TMCO6: variants seen among roughly 807,000 people sequenced by gnomAD.
The protein encoded by TMCO6 is transmembrane and coiled-coil domains 6.
TMCO6 carries 47 observed loss-of-function variants against 61.8 expected under a neutral mutation model. The ratio of observed to expected loss-of-function variants is 0.76; its 90% CI spans 0.60 to 0.97. TMCO6 has a LOEUF of 0.97. TMCO6 is among the 50% of genes least tolerant of loss of function. The pLI is 0.00. For missense variants in TMCO6, 557 were observed against 601.6 expected (o/e 0.93, Z 0.78); for synonymous variants, 261 against 254.2 (o/e 1.03, Z -0.25).
At chr5:140,597,211 G>T in the TMCO6 span, among the ~76,000 whole-genome samples, 1 of 152,204 alleles carries the variant, frequency 6.6e-6, no homozygotes. Flanking sequence ...ATTTGGAGAA[G>T]TCAGTGTGGG....
At position 140,642,944 on chromosome 5, in the gene TMCO6, C is replaced by T. The variant is rs201919112; in HGVS notation, c.709C>T (p.Leu237Phe). The T allele has an allele frequency of 1.0e-4, 167 of 1,614,090 alleles. No homozygotes were observed. Among genetic ancestry groups the T allele is most frequent in the Admixed American group, 2.0e-4 (12 of 60,004 alleles). The change falls in exon 7 of 12, where the codon CTC becomes TTC. Residue 237 changes from leucine to phenylalanine, a missense_variant. By Grantham distance (22) the Leu-to-Phe change is conservative. Transcript: ENST00000394671. ...CAGCAGCTCCATCTTGGCCTCCACT[C>T]TCCCTCAGCACATGCTACAAATGTT... ...KIIPSILAST[L>F]PQHMLQMLQP...
intron 2 of TMCO6, chr5:140,641,408 A>G: frequency 2.1e-6 from 1 of 479,190 alleles, no homozygotes; most frequent in Admixed American, 3.4e-5. Flanking sequence ...GGCAGGATAG[A>G]TATTGTTATT....
chr5:140,635,548 T>C (rs1179332191), upstream of TMCO6, among the ~76,000 whole-genome samples: 1 of 152,200 alleles, frequency 6.6e-6, no homozygotes, highest in African/African-American at 2.4e-5. Flanking sequence ...GGGGCAGTGA[T>C]GGTTCTGCAA....
At chr5:140,602,270 C>T in the TMCO6 span, among the ~76,000 whole-genome samples, 2 of 152,184 alleles carry the variant, frequency 1.3e-5, no homozygotes, top group African/African-American at 4.8e-5. Context: ...ATTCCTACAT[C>T]TCCCTCAAAA....
the TMCO6 span, among the ~76,000 whole-genome samples, chr5:140,615,321 C>T: frequency 6.6e-6 from 1 of 152,150 alleles, no homozygotes; most frequent in African/African-American, 2.4e-5. Flanking sequence ...GAAAGTTAAT[C>T]CATGTTCATT....
chr5:140,612,464 C>G, the TMCO6 span, among the ~76,000 whole-genome samples: 2 of 152,020 alleles, frequency 1.3e-5, no homozygotes, highest in African/African-American at 2.4e-5. Context: ...CTCAGCCTCC[C>G]GAGTAGCTGG....
At chr5:140,621,969 C>G in the TMCO6 span, among the ~76,000 whole-genome samples, 1 of 152,102 alleles carries the variant, frequency 6.6e-6, no homozygotes, top group Non-Finnish European at 1.5e-5. Flanking sequence ...CAATGGTGCC[C>G]GAAACTTCAT....
At chr5:140,643,369 G>C (rs1757166861) in intron 7 of TMCO6, 195 bp from the exon 8 acceptor site, 2 of 628,520 alleles carry the variant, frequency 3.2e-6, no homozygotes, top group Non-Finnish European at 5.6e-6. Flanking sequence ...GCTAATTTTT[G>C]TATTTCTAAT....
At chr5:140,645,483 G>A (rs1358695149), downstream of TMCO6, 1 of 1,449,916 alleles carries the variant, frequency 6.9e-7, no homozygotes. Context: ...GTATTTTACA[G>A]CACAAGCTTT....
chr5:140,607,006 A>C, the TMCO6 span, among the ~76,000 whole-genome samples: 3 of 151,184 alleles, frequency 2.0e-5, no homozygotes, highest in Non-Finnish European at 4.4e-5. Flanking sequence ...AAAAAATAAT[A>C]ATAATAATAA....
At chr5:140,613,418 G>C in the TMCO6 span, among the ~76,000 whole-genome samples, 1 of 127,064 alleles carries the variant, frequency 7.9e-6, no homozygotes, top group Admixed American at 7.7e-5. Flanking sequence ...AAAAAAAAAT[G>C]GTGGCAGGAG....
chr5:140,598,471 G>A, the TMCO6 span, among the ~76,000 whole-genome samples: 1 of 152,204 alleles, frequency 6.6e-6, no homozygotes, highest in African/African-American at 2.4e-5. Flanking sequence ...TGTTTGATGT[G>A]ATATCTCTTT....
At position 140,639,856 on chromosome 5, in the gene TMCO6, G is replaced by A; in HGVS notation, c.198+5G>A. 3 of 1,597,810 alleles carry A rather than the reference G, an allele frequency of 1.9e-6. No individual in the cohort carries two copies. The highest frequency in any genetic ancestry group is 1.1e-5 in the South Asian group (1 of 88,054). On this transcript the variant is annotated splice_donor_5th_base_variant and intron_variant, in intron 2 of 11. Coordinates refer to ENST00000394671, the MANE Select transcript of TMCO6 (RefSeq NM_018502.5). ...GCGATCCTCGGGGAAACCGAGGTGA[G>A]GGGGCAAGGTAGGGTGCGCTGGAGT...
the TMCO6 span, among the ~76,000 whole-genome samples, chr5:140,603,461 C>T: frequency 6.6e-6 from 1 of 152,160 alleles, no homozygotes; most frequent in Non-Finnish European, 1.5e-5. Flanking sequence ...GTGCTCGTCA[C>T]CACACTCAGC....
At chr5:140,599,303 G>T in the TMCO6 span, among the ~76,000 whole-genome samples, 1 of 152,090 alleles carries the variant, frequency 6.6e-6, no homozygotes, top group East Asian at 1.9e-4. Flanking sequence ...TCTTCTATTG[G>T]GCATTGATAT....
chr5:140,635,311 C>G (rs1756743326), upstream of TMCO6, among the ~76,000 whole-genome samples: 1 of 152,214 alleles, frequency 6.6e-6, no homozygotes, highest in African/African-American at 2.4e-5. Context: ...GGAATCCCAG[C>G]TTTACGACTG....
Position 140,645,257 on chromosome 5 carries a change from CACT to C in TMCO6, c.*161_*163del, listed in dbSNP as rs1288390238. ...TCCCAGCTCCTCCCCTTCCACTCAG[CACT>C]ATCCAGGCAGGAGGACCAAAAGGGA... On this transcript the variant is annotated 3_prime_UTR_variant, in exon 12 of 12. Transcript: ENST00000394671. 1.0e-5 allele frequency: 8 copies of C among 771,700 alleles called. No individual in the cohort carries two copies. The East Asian group carries it at 2.1e-4, about 21-fold the overall frequency. 47.8% of individuals were successfully genotyped at this position (771,700 alleles called of 1,614,324 possible).
chr5:140,635,009 C>A (rs903853615), upstream of TMCO6, among the ~76,000 whole-genome samples: 1 of 149,260 alleles, frequency 6.7e-6, no homozygotes, highest in Non-Finnish European at 1.5e-5. Flanking sequence ...CTCGAACTCC[C>A]GACCTCAGGT....
downstream of TMCO6, chr5:140,647,028 T>C (rs1336516938): frequency 4.0e-6 from 2 of 505,802 alleles, no homozygotes; most frequent in Non-Finnish European, 3.4e-6. Flanking sequence ...CGTCAGCTCC[T>C]GGTCCCTACG....
Sources: gnomAD v4.1 joint callset for allele counts (sites outside exome capture counted in the v4.1 genomes callset) on GRCh38, gnomAD v4.1.1 for gene constraint, MANE v1.5 for transcripts, NCBI Gene and HGNC (gene_info 2026-07-23, HGNC 2026-07-21) for gene names.